The following EFNA5 variants were observed in gnomAD, a reference collection of about 807,000 sequenced individuals.
EFNA5 encodes the protein ephrin-A5.
EFNA5 carries 5 observed loss-of-function variants against 22.9 expected under a neutral mutation model. That is an observed-to-expected ratio of 0.22 (90% CI 0.11 to 0.46). The LOEUF is 0.46. EFNA5 is among the 20% of genes least tolerant of loss of function. EFNA5 has a pLI of 0.99. For missense variants in EFNA5, 237 were observed against 293.3 expected (o/e 0.81, Z 1.40); for synonymous variants, 113 against 112.2 (o/e 1.01, Z -0.04).
intron 2 of EFNA5, among the ~76,000 whole-genome samples, chr5:107,389,390 C>A (rs867252840): frequency 6.6e-6 from 1 of 152,170 alleles, no homozygotes; most frequent in South Asian, 2.1e-4. Flanking sequence ...ATTAGGAAAA[C>A]CACGGGTTCC....
chr5:107,472,809 CAGAT>C (rs1750174620), intron 1 of EFNA5, among the ~76,000 whole-genome samples: 1 of 152,206 alleles, frequency 6.6e-6, no homozygotes, highest in South Asian at 2.1e-4. Context: ...GAATGACAAA[CAGAT>C]AGAGATCAGT....
chr5:107,385,916 T>G (rs1241946293), intron 4 of EFNA5, among the ~76,000 whole-genome samples: 8 of 152,074 alleles, frequency 5.3e-5, no homozygotes, highest in Non-Finnish European at 4.4e-5. Context: ...CACCTCTCAT[T>G]TGCGCTCTGG....
At chr5:107,621,911 A>T (rs887764964) in intron 1 of EFNA5, among the ~76,000 whole-genome samples, 4 of 152,178 alleles carry the variant, frequency 2.6e-5, no homozygotes, top group African/African-American at 9.7e-5. Flanking sequence ...GGTGTTGAAG[A>T]CAGAGGCATT....
intron 1 of EFNA5, among the ~76,000 whole-genome samples, chr5:107,456,281 A>T (rs2112451239): frequency 6.6e-6 from 1 of 152,238 alleles, no homozygotes; most frequent in Non-Finnish European, 1.5e-5. Flanking sequence ...GCCATTTCCC[A>T]CAGCTCTCTC....
chr5:107,580,955 G>A (rs1749060662), intron 1 of EFNA5, among the ~76,000 whole-genome samples: 1 of 152,126 alleles, frequency 6.6e-6, no homozygotes. Flanking sequence ...TCTCAGCATT[G>A]AGCCAGTACG....
At chr5:107,531,752 C>A (rs981799958) in intron 1 of EFNA5, among the ~76,000 whole-genome samples, 2 of 152,168 alleles carry the variant, frequency 1.3e-5, no homozygotes, top group African/African-American at 4.8e-5. Flanking sequence ...CTTGCCTTTT[C>A]AATAAAGACA....
chr5:107,527,857 C>T (rs1747728937), intron 1 of EFNA5, among the ~76,000 whole-genome samples: 1 of 152,078 alleles, frequency 6.6e-6, no homozygotes. Context: ...ACAACAACCA[C>T]GTCAGGGAGA....
At chr5:107,392,803 CCT>C (rs1261878261) in intron 2 of EFNA5, among the ~76,000 whole-genome samples, 1 of 152,216 alleles carries the variant, frequency 6.6e-6, no homozygotes, top group Non-Finnish European at 1.5e-5. Flanking sequence ...GCTGTGCACT[CCT>C]GATTCTGCTG....
intron 1 of EFNA5, among the ~76,000 whole-genome samples, chr5:107,611,424 C>T (rs963335204): frequency 1.3e-5 from 2 of 152,116 alleles, no homozygotes; most frequent in Admixed American, 6.5e-5. Flanking sequence ...TAAAATTCCA[C>T]GGGAAACAAG....
intron 1 of EFNA5, among the ~76,000 whole-genome samples, chr5:107,603,112 G>C (rs772653170): frequency 6.6e-6 from 1 of 152,156 alleles, no homozygotes; most frequent in Non-Finnish European, 1.5e-5. Flanking sequence ...TGACATTTTA[G>C]AACATTTGCA....
chr5:107,457,826 T>C (rs1458910972), intron 1 of EFNA5, among the ~76,000 whole-genome samples: 7 of 152,182 alleles, frequency 4.6e-5, no homozygotes, highest in South Asian at 2.1e-4. Flanking sequence ...AACAAAAACA[T>C]AGTGATCCTC....
At chr5:107,665,804 C>T (rs1208884622) in intron 1 of EFNA5, among the ~76,000 whole-genome samples, 1 of 152,140 alleles carries the variant, frequency 6.6e-6, no homozygotes, top group African/African-American at 2.4e-5. Context: ...TCATACTTCT[C>T]TTTTACAAAT....
At chr5:107,540,062 G>A (rs1748013536) in intron 1 of EFNA5, among the ~76,000 whole-genome samples, 2 of 152,042 alleles carry the variant, frequency 1.3e-5, no homozygotes, top group Non-Finnish European at 1.5e-5. Flanking sequence ...AGGATTCTAA[G>A]AGGGTGAAGG....
chr5:107,544,081 G>A (rs918240556), intron 1 of EFNA5, among the ~76,000 whole-genome samples: 2 of 152,136 alleles, frequency 1.3e-5, no homozygotes, highest in African/African-American at 4.8e-5. Flanking sequence ...CCTGACATTT[G>A]GGGTAATCTA....
intron 1 of EFNA5, among the ~76,000 whole-genome samples, chr5:107,604,170 T>A (rs1397395133): frequency 6.6e-6 from 1 of 152,160 alleles, no homozygotes; most frequent in Non-Finnish European, 1.5e-5. Flanking sequence ...CAGTCACCAA[T>A]ATTAATCTTT....
intron 1 of EFNA5, among the ~76,000 whole-genome samples, chr5:107,491,177 G>A (rs1746796339): frequency 6.6e-6 from 1 of 152,182 alleles, no homozygotes; most frequent in South Asian, 2.1e-4. Context: ...TCCATGGTCT[G>A]GCCAAACGGC....
intron 2 of EFNA5, among the ~76,000 whole-genome samples, chr5:107,392,549 A>T (rs1404887060): frequency 6.6e-6 from 1 of 152,180 alleles, no homozygotes; most frequent in Non-Finnish European, 1.5e-5. Context: ...CCTTGAGATG[A>T]CCGTTGCCTT....
At chr5:107,529,395 CA>C (rs1319479658) in intron 1 of EFNA5, among the ~76,000 whole-genome samples, 1 of 151,982 alleles carries the variant, frequency 6.6e-6, no homozygotes, top group Non-Finnish European at 1.5e-5. Flanking sequence ...CACCGTAGCC[CA>C]AAAAAACCAA....
At chr5:107,424,231 GA>G (rs1255159666) in intron 2 of EFNA5, among the ~76,000 whole-genome samples, 22 of 129,490 alleles carry the variant, frequency 1.7e-4, no homozygotes, top group African/African-American at 6.8e-4. Context: ...TTTTGAGACG[GA>G]GTCTCACTCT....
Sources: allele counts gnomAD v4.1 joint callset (sites outside exome capture counted in the v4.1 genomes callset), GRCh38; gene constraint gnomAD v4.1.1; transcripts MANE v1.5; gene names NCBI Gene and HGNC (gene_info 2026-07-23, HGNC 2026-07-21).